The following LINGO2 variants were observed in gnomAD, a reference collection of about 807,000 sequenced individuals.
LINGO2 encodes the protein leucine-rich repeat and immunoglobulin-like domain-containing nogo receptor-interacting protein 2.
A neutral mutation model predicts 30.6 loss-of-function variants in LINGO2; 14 were observed. That is an observed-to-expected ratio of 0.46 (90% CI 0.30 to 0.72). The LOEUF (loss-of-function observed/expected upper bound fraction) is 0.72. LINGO2 is among the 30% of genes least tolerant of loss of function. LINGO2 has a pLI of 0.07. For synonymous variants in LINGO2, 317 were observed against 288.5 expected, an observed-to-expected ratio of 1.10 and a Z score of -1.00; for missense variants, 729 against 751.7, an observed-to-expected ratio of 0.97 and a Z score of 0.35.
At chr9:29,169,688 T>A in the LINGO2 span, among the ~76,000 whole-genome samples, 1 of 152,212 alleles carries the variant, frequency 6.6e-6, no homozygotes, top group Non-Finnish European at 1.5e-5. Context: ...GGTGAAAATG[T>A]AAATTAGTAA....
intron 1 of LINGO2, among the ~76,000 whole-genome samples, chr9:28,513,727 T>C (rs983615816): frequency 3.9e-5 from 6 of 152,230 alleles, no homozygotes; most frequent in African/African-American, 1.2e-4. Flanking sequence ...TGTGTGTATG[T>C]TCTTAACATT....
chr9:29,036,629 G>T, the LINGO2 span, among the ~76,000 whole-genome samples: 1 of 151,984 alleles, frequency 6.6e-6, no homozygotes, highest in Non-Finnish European at 1.5e-5. Context: ...CGGAAATCTA[G>T]TGAACAGTGC....
chr9:28,095,730 A>G (rs1826224569), intron 4 of LINGO2, among the ~76,000 whole-genome samples: 1 of 152,218 alleles, frequency 6.6e-6, no homozygotes, highest in Admixed American at 6.6e-5. Flanking sequence ...TAAATTAAAG[A>G]GCTTCTGCAC....
intron 1 of LINGO2, among the ~76,000 whole-genome samples, chr9:28,506,522 A>ATAGAT (rs1564250917): frequency 7.3e-6 from 1 of 136,452 alleles, no homozygotes; most frequent in Non-Finnish European, 1.6e-5. Flanking sequence ...ATATATATAT[A>ATAGAT]AACTGTTGGG....
chr9:28,815,310 T>TA, the LINGO2 span, among the ~76,000 whole-genome samples: 3 of 152,192 alleles, frequency 2.0e-5, no homozygotes, highest in African/African-American at 7.2e-5. Flanking sequence ...GACAGTTTGA[T>TA]ACACTCAAGT....
chr9:29,061,053 G>A, the LINGO2 span, among the ~76,000 whole-genome samples: 1 of 151,798 alleles, frequency 6.6e-6, no homozygotes, highest in Non-Finnish European at 1.5e-5. Context: ...CTCAAAACAA[G>A]ATAAAAGAAA....
intron 1 of LINGO2, among the ~76,000 whole-genome samples, chr9:28,652,570 A>C (rs187125312): frequency 4.9e-4 from 75 of 152,198 alleles, no homozygotes; most frequent in African/African-American, 1.3e-3. Flanking sequence ...CAAATGATGA[A>C]GGGAGAATTC....
Position 28,201,286 on chromosome 9 carries a change from A to T in LINGO2, c.-87+93922T>A, listed in dbSNP as rs1401236614. On this transcript the variant is annotated intron_variant, in intron 4 of 5. Transcript: ENST00000379992. ...ATATTCCCCTTCCTGTGTCCATGTGATCTCATTGTTCAATTCCCACCTATG... is the reference window on the plus strand; with the variant it reads ...ATATTCCCCTTCCTGTGTCCATGTGTTCTCATTGTTCAATTCCCACCTATG... 4.1e-3 allele frequency among the ~76,000 whole-genome samples: 575 copies of T among 138,690 alleles called. 5 individuals carry two copies. The highest frequency in any genetic ancestry group is 0.015 in the African/African-American group (548 of 36,982). The allele number at this position is 138,690 out of a possible 152,430, so 91.0% of individuals were successfully genotyped here.
the LINGO2 span, among the ~76,000 whole-genome samples, chr9:28,883,546 T>C: frequency 6.7e-6 from 1 of 149,848 alleles, no homozygotes; most frequent in Non-Finnish European, 1.5e-5. Context: ...TTCCCTTCTA[T>C]GCTGTCACAG....
chr9:28,746,189 A>G, the LINGO2 span, among the ~76,000 whole-genome samples: 1 of 152,040 alleles, frequency 6.6e-6, no homozygotes, highest in Non-Finnish European at 1.5e-5. Context: ...TATAATTCCC[A>G]TCTCTTCAAT....
At chr9:28,013,583 C>A (rs561707631) in intron 4 of LINGO2, among the ~76,000 whole-genome samples, 1 of 152,232 alleles carries the variant, frequency 6.6e-6, no homozygotes, top group African/African-American at 2.4e-5. Context: ...GTGGCAAAGA[C>A]GGGGAGTGAA....
chr9:28,519,236 A>G (rs987494698), intron 1 of LINGO2, among the ~76,000 whole-genome samples: 1 of 151,706 alleles, frequency 6.6e-6, no homozygotes, highest in African/African-American at 2.4e-5. Context: ...GGGTTTCATC[A>G]TGTTGCCCAG....
chr9:28,745,675 A>G, the LINGO2 span, among the ~76,000 whole-genome samples: 10 of 152,094 alleles, frequency 6.6e-5, no homozygotes, highest in African/African-American at 2.2e-4. Context: ...ATTATTAACT[A>G]TTCTAATCAC....
chr9:28,675,411 A>G, the LINGO2 span, among the ~76,000 whole-genome samples: 1 of 152,186 alleles, frequency 6.6e-6, no homozygotes, highest in Non-Finnish European at 1.5e-5. Flanking sequence ...ATTGTTAAAT[A>G]AAAGTCAAGT....
At chr9:28,907,790 G>A in the LINGO2 span, among the ~76,000 whole-genome samples, 1 of 151,738 alleles carries the variant, frequency 6.6e-6, no homozygotes, top group East Asian at 1.9e-4. Flanking sequence ...AGAGAAATGA[G>A]GAAATAGTTG....
chr9:28,885,360 TAC>T, the LINGO2 span, among the ~76,000 whole-genome samples: 301 of 144,162 alleles, frequency 2.1e-3, 3 homozygotes, highest in Middle Eastern at 3.6e-3. Context: ...TATATATATA[TAC>T]ACACACACAC....
chr9:28,009,432 A>G (rs7037226), intron 5 of LINGO2, among the ~76,000 whole-genome samples: 107,211 of 151,046 alleles, frequency 0.71, 38,881 homozygotes, highest in East Asian at 0.82. Context: ...AAATGAATAG[A>G]CAACCCACAG....
the LINGO2 span, among the ~76,000 whole-genome samples, chr9:29,069,774 GA>G: frequency 6.6e-6 from 1 of 152,062 alleles, no homozygotes; most frequent in Non-Finnish European, 1.5e-5. Flanking sequence ...GATACTTTGA[GA>G]AGGAGTTTGT....
the LINGO2 span, among the ~76,000 whole-genome samples, chr9:28,812,732 T>C: frequency 6.6e-6 from 1 of 152,168 alleles, no homozygotes; most frequent in Non-Finnish European, 1.5e-5. Flanking sequence ...AGGAGCAAAG[T>C]AACTGTGATT....
Sources: allele counts gnomAD v4.1 joint callset (sites outside exome capture counted in the v4.1 genomes callset), GRCh38; gene constraint gnomAD v4.1.1; transcripts MANE v1.5; gene names NCBI Gene and HGNC (gene_info 2026-07-23, HGNC 2026-07-21).